USP34: variants seen among roughly 807,000 people sequenced by gnomAD.
USP34 encodes the protein ubiquitin specific peptidase 34.
Under a neutral mutation model 460.3 loss-of-function variants are expected in USP34, and 70 were observed. The observed-to-expected ratio is 0.15, with a 90% CI of 0.13 to 0.19. USP34 has a LOEUF of 0.19. Among genes scored for constraint, USP34 ranks in the 10% least tolerant of loss-of-function variants. The probability of loss-of-function intolerance (pLI) is 1.00; values close to 1 mark genes in which losing one functional copy is unlikely to be tolerated. For synonymous variants in USP34, 1,647 were observed against 1,405.3 expected, an observed-to-expected ratio of 1.17 and a Z score of -3.85; for missense variants, 3,985 against 4,236.2, an observed-to-expected ratio of 0.94 and a Z score of 1.65.
intron 10 of USP34, among the ~76,000 whole-genome samples, chr2:61,358,468 GA>G (rs946657203): frequency 6.6e-6 from 1 of 151,380 alleles, no homozygotes; most frequent in Non-Finnish European, 1.5e-5. Flanking sequence ...AACTAAAAGA[GA>G]AAAAAAATCA....
At chr2:61,373,367 GTTT>G (rs112151932) in intron 8 of USP34, among the ~76,000 whole-genome samples, 2 of 146,460 alleles carry the variant, frequency 1.4e-5, no homozygotes, top group Non-Finnish European at 3.0e-5. Context: ...TATATGACTA[GTTT>G]TTTTTTTTAA....
chr2:61,284,606 A>C (rs187520157), intron 35 of USP34, among the ~76,000 whole-genome samples: 8 of 152,200 alleles, frequency 5.3e-5, no homozygotes, highest in African/African-American at 1.7e-4. Flanking sequence ...GATACACAAC[A>C]AAGTACTGGT....
intron 18 of USP34, among the ~76,000 whole-genome samples, chr2:61,338,733 C>T (rs1457904826): frequency 6.6e-6 from 1 of 151,746 alleles, no homozygotes; most frequent in Non-Finnish European, 1.5e-5. Context: ...CAACTGAGTC[C>T]CAATGAGAAG....
rs758766334 is a variant in USP34 at position 61,350,278 on chromosome 2, G to T, written c.1489C>A (p.Pro497Thr). The change falls in exon 12 of 80, where the codon CCC becomes ACC. Residue 497 changes from proline (P) to threonine (T), a missense_variant. Transcript: ENST00000398571. ...TACTAACCTTTCTTATTTCCAATGG[G>T]AATATTAGTATTTAATAAAGATGCA... ...SFASLLNTNIPIGNKKEEEEL... is the reference protein window; with the variant it reads ...SFASLLNTNITIGNKKEEEEL... 6.2e-7 allele frequency: 1 copy of T among 1,607,414 alleles called. No individual in the cohort carries two copies. The highest frequency in any genetic ancestry group is 8.5e-7 in the Non-Finnish European group (1 of 1,176,990).
rs374430886 is a variant in USP34 at position 61,423,152 on chromosome 2, T to C, written c.44-2319A>G. ...GTTTTTTGAGACAGTCTCACTCTTT[T>C]GCCCAGGCTGGAGTGCAGTGGCACA... On this transcript the variant is annotated intron_variant, in intron 1 of 79. Transcript: ENST00000398571. Among the ~76,000 whole-genome samples the C allele has an allele frequency of 9.2e-5, 14 of 152,232 alleles. No individual in the cohort carries two copies. The East Asian group carries it at 1.5e-3, about 17-fold the overall frequency.
At chr2:61,254,782 T>C (rs1240477113) in intron 48 of USP34, among the ~76,000 whole-genome samples, 1 of 152,098 alleles carries the variant, frequency 6.6e-6, no homozygotes, top group Non-Finnish European at 1.5e-5. Context: ...ATGTGAATCA[T>C]CAAAGAATAA....
At chr2:61,446,136 T>G (rs968919445) in intron 1 of USP34, among the ~76,000 whole-genome samples, 18 of 125,432 alleles carry the variant, frequency 1.4e-4, no homozygotes, top group Non-Finnish European at 1.9e-4. Context: ...AAAAAAAAAC[T>G]AAACTAAAAC....
At chr2:61,325,126 A>T (rs927786436) in intron 21 of USP34, among the ~76,000 whole-genome samples, 1 of 152,140 alleles carries the variant, frequency 6.6e-6, no homozygotes, top group African/African-American at 2.4e-5. Context: ...ATAAGGGATG[A>T]AAAATAAACT....
In USP34 at chr2:61,220,301, T is replaced by G. The variant is rs1687524157; in HGVS notation, c.8047+9A>C. 1 of 1,594,632 alleles carries G rather than the reference T, an allele frequency of 6.3e-7. No homozygotes were observed. Among genetic ancestry groups the G allele is most frequent in the Non-Finnish European group, 8.5e-7 (1 of 1,173,844 alleles). The stretch of plus-strand genomic sequence containing the variant: ...AAATGGTTTATGAAATTCTAAATAT[T>G]TGACTTACAAGTCCTCACTCTAGGA... On this transcript the variant is annotated intron_variant, in intron 67 of 79. Coordinates refer to ENST00000398571, the MANE Select transcript of USP34 (RefSeq NM_014709.4).
chr2:61,313,044 G>A (rs997974040), intron 25 of USP34, among the ~76,000 whole-genome samples: 1 of 151,980 alleles, frequency 6.6e-6, no homozygotes, highest in Non-Finnish European at 1.5e-5. Context: ...AGCACATCAA[G>A]AACAAAATTT....
chr2:61,304,315 A>G (rs1055967013), intron 27 of USP34, among the ~76,000 whole-genome samples: 2 of 152,250 alleles, frequency 1.3e-5, no homozygotes, highest in South Asian at 2.1e-4. Context: ...TAAAGCATGC[A>G]TAACTTTGTT....
intron 27 of USP34, among the ~76,000 whole-genome samples, chr2:61,308,762 T>A (rs1284085682): frequency 6.6e-6 from 1 of 152,110 alleles, no homozygotes; most frequent in Non-Finnish European, 1.5e-5. Context: ...ACATGTTGGC[T>A]GGGCATGGTG....
intron 51 of USP34, among the ~76,000 whole-genome samples, chr2:61,244,354 G>T (rs180963865): frequency 6.6e-6 from 1 of 152,094 alleles, no homozygotes. Flanking sequence ...CATGGCTCAC[G>T]TCTGTGATCC....
At chr2:61,436,325 A>T (rs1009343647) in intron 1 of USP34, among the ~76,000 whole-genome samples, 5 of 152,184 alleles carry the variant, frequency 3.3e-5, no homozygotes, top group Non-Finnish European at 5.9e-5. Context: ...GTCCCAACAA[A>T]ATAAAGACAC....
chr2:61,413,464 T>C (rs756385999), intron 2 of USP34, among the ~76,000 whole-genome samples: 10 of 147,632 alleles, frequency 6.8e-5, no homozygotes, highest in African/African-American at 2.5e-4. Flanking sequence ...CCTAGCACTT[T>C]GGGAGGCCAA....
At position 61,199,300 on chromosome 2, in the gene USP34, G is replaced by C. The variant is rs78823748; in HGVS notation, c.9508+3840C>G. 2.9e-3 allele frequency among the ~76,000 whole-genome samples: 447 copies of C among 151,804 alleles called. 14 individuals carry two copies. The East Asian group carries it at 0.068, about 23-fold the overall frequency. On this transcript the variant is annotated intron_variant, in intron 75 of 79. Coordinates refer to ENST00000398571, the MANE Select transcript of USP34 (RefSeq NM_014709.4). ...GACGGAGTTTCACTCTTGTCACCCAGACTGGAGTGCAATGGCGCCATCTCG... is the reference window on the plus strand; with the variant it reads ...GACGGAGTTTCACTCTTGTCACCCACACTGGAGTGCAATGGCGCCATCTCG...
At chr2:61,343,075 TGG>T (rs1691655826) in intron 16 of USP34, among the ~76,000 whole-genome samples, 1 of 152,246 alleles carries the variant, frequency 6.6e-6, no homozygotes, top group Non-Finnish European at 1.5e-5. Context: ...AGTGTGTTTA[TGG>T]CCTCTTTGCA....
intron 3 of USP34, among the ~76,000 whole-genome samples, chr2:61,403,628 G>A (rs191067352): frequency 1.5e-3 from 229 of 152,200 alleles, no homozygotes; most frequent in Admixed American, 3.4e-3. Flanking sequence ...TTAGAAAACA[G>A]AGCACAATCT....
At chr2:61,242,292 C>T (rs953911784) in intron 51 of USP34, among the ~76,000 whole-genome samples, 7 of 152,128 alleles carry the variant, frequency 4.6e-5, no homozygotes, top group African/African-American at 1.7e-4. Flanking sequence ...CTCCACCAAT[C>T]CTTCACAAAC....
Sources: allele counts gnomAD v4.1 joint callset (sites outside exome capture counted in the v4.1 genomes callset), GRCh38; gene constraint gnomAD v4.1.1; transcripts MANE v1.5; gene names NCBI Gene and HGNC (gene_info 2026-07-23, HGNC 2026-07-21).